The following TBCE variants were observed in gnomAD, a reference collection of about 807,000 sequenced individuals.
TBCE encodes tubulin folding cofactor E, also known as tubulin-specific chaperone E.
A neutral mutation model predicts 77.0 loss-of-function variants in TBCE; 53 were observed. The ratio of observed to expected loss-of-function variants is 0.69; its 90% confidence interval spans 0.55 to 0.87. The LOEUF is 0.87. Among genes scored for constraint, TBCE ranks in the 40% least tolerant of loss-of-function variants. The probability of loss-of-function intolerance (pLI) is 0.00; values close to 1 mark genes in which losing one functional copy is unlikely to be tolerated. For synonymous variants in TBCE, 235 were observed against 241.3 expected, an observed-to-expected ratio of 0.97 and a Z score of 0.24; for missense variants, 624 against 622.4, an observed-to-expected ratio of 1.00 and a Z score of -0.03.
At chr1:235,448,598 G>GAAGAGT (rs1363907998) in intron 16 of TBCE, 72 bp from the exon 17 acceptor site, 1 of 1,417,652 alleles carries the variant, frequency 7.1e-7, no homozygotes, top group Non-Finnish European at 1.0e-6. Flanking sequence ...CGGGGTGGGG[G>GAAGAGT]AAGAGTATGT....
Position 235,434,042 on chromosome 1 carries a change from C to T in TBCE, c.661-162C>T. 5.6e-6 allele frequency: 4 copies of T among 720,098 alleles called. No individual in the cohort carries two copies. In the Admixed American group the frequency reaches 5.8e-5, roughly 11 times the overall value. The allele number at this position is 720,098 out of a possible 1,614,324, so 44.6% of individuals were successfully genotyped here. ...CCCCCTTAACATTTTATTTATCACC[C>T]CCCACCACTATTCCAGGCCTGAAAC... On this transcript the variant is annotated intron_variant, in intron 7 of 16. Transcript: ENST00000642610.
intron 10 of TBCE, 40 bp from the exon 11 acceptor site, chr1:235,436,504 C>T: frequency 6.2e-7 from 1 of 1,611,806 alleles, no homozygotes; most frequent in Non-Finnish European, 8.5e-7. Flanking sequence ...ACTTCAGCTA[C>T]TTTCACTTCT....
intron 8 of TBCE, among the ~76,000 whole-genome samples, chr1:235,434,524 C>T (rs1681298021): frequency 7.6e-6 from 1 of 132,258 alleles, no homozygotes; most frequent in African/African-American, 3.1e-5. Flanking sequence ...AGTGTATTAA[C>T]TTGCTGTTTC....
At chr1:235,422,229 G>A (rs1437005498) in intron 5 of TBCE, among the ~76,000 whole-genome samples, 6 of 152,148 alleles carry the variant, frequency 3.9e-5, no homozygotes, top group Non-Finnish European at 8.8e-5. Context: ...ATTGGTAATC[G>A]GGCTGTGTAC....
At chr1:235,387,397 CA>C (rs1339303446) in intron 2 of TBCE, among the ~76,000 whole-genome samples, 4 of 152,220 alleles carry the variant, frequency 2.6e-5, no homozygotes, top group Non-Finnish European at 5.9e-5. Context: ...GCCCTGCCCC[CA>C]GAGGTGGAGC....
intron 3 of TBCE, among the ~76,000 whole-genome samples, chr1:235,411,967 A>C (rs1679803976): frequency 6.6e-6 from 1 of 151,366 alleles, no homozygotes; most frequent in African/African-American, 2.4e-5. Context: ...GCTCGTAGGA[A>C]AGGTTATGTT....
chr1:235,419,584 G>A (rs767411442), intron 5 of TBCE, 23 bp downstream of exon 5: 4 of 1,613,820 alleles, frequency 2.5e-6, no homozygotes, highest in Non-Finnish European at 3.4e-6. Context: ...CCGAGAGCTT[G>A]TTATTGGAAT....
chr1:235,374,284 CATTG>C (rs1677158503), intron 1 of TBCE, among the ~76,000 whole-genome samples: 1 of 145,884 alleles, frequency 6.9e-6, no homozygotes, highest in Non-Finnish European at 1.5e-5. Flanking sequence ...CTTTTCAGAC[CATTG>C]TACCCCACGT....
chr1:235,392,490 A>C (rs1224539003), intron 2 of TBCE, among the ~76,000 whole-genome samples: 1 of 146,308 alleles, frequency 6.8e-6, no homozygotes, highest in Admixed American at 7.1e-5. Context: ...GGCTCACTGC[A>C]ACCTCCGCCT....
chr1:235,392,612 T>C (rs1173664971), intron 2 of TBCE, among the ~76,000 whole-genome samples: 1 of 151,574 alleles, frequency 6.6e-6, no homozygotes, highest in Non-Finnish European at 1.5e-5. Context: ...GGTTTCACTG[T>C]GTTGGCCAGG....
chr1:235,432,989 A>T, intron 7 of TBCE: 1 of 1,503,554 alleles, frequency 6.7e-7, no homozygotes, highest in South Asian at 1.3e-5. Flanking sequence ...CTCGACATGC[A>T]GAAAGACGCC....
intron 5 of TBCE, chr1:235,423,887 G>C (rs1680552138): frequency 6.6e-6 from 1 of 152,328 alleles, no homozygotes; most frequent in Non-Finnish European, 1.5e-5. Context: ...GGCATGGGTA[G>C]CTGGCGACCG....
rs1371696426 is a variant in TBCE, at chr1:235,445,669, C to A, written c.1400-2680C>A. The stretch of plus-strand genomic sequence containing the variant: ...ACAAAACAAAACAAAACTGCAATAT[C>A]TTTTTTTTTATCCATTAGATTAGCA... On this transcript the variant is annotated intron_variant, in intron 15 of 16. Transcript: ENST00000642610. 2.0e-5 allele frequency among the ~76,000 whole-genome samples: 3 copies of A among 151,314 alleles called. No individual in the cohort carries two copies. The Admixed American group carries it at 2.0e-4, about 10-fold the overall frequency.
At chr1:235,423,226 C>T (rs908553876) in intron 5 of TBCE, among the ~76,000 whole-genome samples, 3 of 152,022 alleles carry the variant, frequency 2.0e-5, no homozygotes, top group African/African-American at 7.3e-5. Flanking sequence ...TGAGCTTCCT[C>T]CTCCCTCATG....
At chr1:235,428,985 A>ATATATT (rs1553338383) in intron 6 of TBCE, 3 of 102,292 alleles carry the variant, frequency 2.9e-5, no homozygotes, top group Admixed American at 1.2e-4. Context: ...ATATATATAT[A>ATATATT]TTTTTTTTTT....
intron 2 of TBCE, among the ~76,000 whole-genome samples, chr1:235,381,859 A>G (rs1476425961): frequency 6.7e-6 from 1 of 149,656 alleles, no homozygotes; most frequent in Non-Finnish European, 1.5e-5. Context: ...ACATGTGCAC[A>G]ATGTGCAGGT....
Position 235,450,134 on chromosome 1 carries a change from G to A in TBCE, c.*1372G>A, listed in dbSNP as rs1386853180. Reference sequence around the variant, plus strand: ...CCATACAGTCTACTGCTAAACCCTGGGACTCCTCAGACTTGCACTCAGATT... The same window carrying A: ...CCATACAGTCTACTGCTAAACCCTGAGACTCCTCAGACTTGCACTCAGATT... On this transcript the variant is annotated 3_prime_UTR_variant, in exon 17 of 17. Coordinates refer to ENST00000642610, the MANE Select transcript of TBCE (RefSeq NM_003193.5). 2.6e-6 allele frequency: 4 copies of A among 1,563,542 alleles called. No individual in the cohort carries two copies. The African/African-American group carries it at 4.1e-5, about 16-fold the overall frequency.
At chr1:235,437,500 A>G (rs780273984) in intron 12 of TBCE, 26 bp downstream of exon 12, 2 of 1,613,070 alleles carry the variant, frequency 1.2e-6, no homozygotes, top group Non-Finnish European at 1.7e-6. Flanking sequence ...ATGACTAGAT[A>G]TTTTTTAGAC....
intron 4 of TBCE, 188 bp downstream of exon 4, chr1:235,414,806 C>T (rs1680021475): frequency 1.6e-6 from 1 of 620,218 alleles, no homozygotes; most frequent in Non-Finnish European, 2.8e-6. Context: ...TATGTTAGCA[C>T]AGGATTGGTA....
Sources: allele counts gnomAD v4.1 joint callset (sites outside exome capture counted in the v4.1 genomes callset), GRCh38; gene constraint gnomAD v4.1.1; transcripts MANE v1.5; gene names NCBI Gene and HGNC (gene_info 2026-07-23, HGNC 2026-07-21).